MUC15: variants seen among roughly 807,000 people sequenced by gnomAD.
MUC15 encodes the protein mucin-15.
A neutral mutation model predicts 24.0 loss-of-function variants in MUC15; 23 were observed. That is an observed-to-expected ratio of 0.96 (90% CI 0.69 to 1.36). MUC15 has a LOEUF of 1.36. MUC15 is among the 40% of genes most tolerant of loss of function. The pLI is 0.00. For missense variants in MUC15, 442 were observed against 428.2 expected, an observed-to-expected ratio of 1.03 and a Z score of -0.29; for synonymous variants, 151 against 156.3, an observed-to-expected ratio of 0.97 and a Z score of 0.25.
chr11:26,560,763 G>T lies in MUC15; in HGVS notation c.*302C>A. 4.0e-6 allele frequency: 1 copy of T among 246,946 alleles called. No homozygotes were observed. Among genetic ancestry groups the T allele is most frequent in the Non-Finnish European group, 7.7e-6 (1 of 130,180 alleles). 15.3% of individuals were successfully genotyped at this position (246,946 alleles called of 1,614,324 possible). Reference sequence around the variant, plus strand: ...TTTTTATTATTTAGTTATGAGGCAGGGCTGTAATGGTGAAATCTTTTAGTT... The same window carrying T: ...TTTTTATTATTTAGTTATGAGGCAGTGCTGTAATGGTGAAATCTTTTAGTT... On this transcript the variant is annotated 3_prime_UTR_variant, in exon 5 of 5. Transcript: ENST00000529533.
At chr11:26,561,296 G>A (rs1424468513) in intron 4 of MUC15, 71 bp from the exon 5 acceptor site, 2 of 1,151,798 alleles carry the variant, frequency 1.7e-6, no homozygotes, top group African/African-American at 3.2e-5. Context: ...CATCCACCAA[G>A]TTATAGGAAT....
rs1029262744 is a variant in MUC15, at chr11:26,559,492, AAG to A, written c.*1571_*1572del. On this transcript the variant is annotated 3_prime_UTR_variant, in exon 5 of 5. Transcript: ENST00000529533. ...ATGATGGTGGGGTATAAAGGGAATC[AAG>A]AGAGGAGAGAAGAGGGCTAATGTTG... 2.1e-6 allele frequency: 1 copy of A among 481,750 alleles called. No individual in the cohort carries two copies. Among genetic ancestry groups the A allele is most frequent in the Non-Finnish European group, 3.7e-6 (1 of 269,976 alleles). 29.8% of individuals were successfully genotyped at this position (481,750 alleles called of 1,614,324 possible). A position where few individuals can be genotyped will look rare whatever the true frequency, so the allele number is the denominator to read the frequency against.
At position 26,565,825 on chromosome 11, in the gene MUC15, T is replaced by C. The variant is rs767029959; in HGVS notation, c.115A>G (p.Thr39Ala). 3 of 1,613,070 alleles carry C rather than the reference T, an allele frequency of 1.9e-6. No homozygotes were observed. The highest frequency in any genetic ancestry group is 2.5e-6 in the Non-Finnish European group (3 of 1,179,400). The change falls in exon 3 of 5, where the codon ACG becomes GCG. Residue 39 changes from threonine (T) to alanine (A), a missense_variant. Coordinates refer to ENST00000529533, the MANE Select transcript of MUC15 (RefSeq NM_001135091.2). ...CCCGATAGAAGTGAATAAAACAACG[T>C]TGAAATCAACAGAATTTTGGCTAAG... ...LALAKILLISTLFYSLLSGSH... is the reference protein window; with the variant it reads ...LALAKILLISALFYSLLSGSH...
rs1017451570 is a variant in MUC15, at chr11:26,560,845, G to A, written c.*220C>T. ...AAAATACTACTAAAATACAAATTAA[G>A]GCTACTTAGTAAATGCCTCAGGATG... On this transcript the variant is annotated 3_prime_UTR_variant, in exon 5 of 5. Coordinates refer to ENST00000529533, the MANE Select transcript of MUC15 (RefSeq NM_001135091.2). The A allele has an allele frequency of 8.8e-5, 37 of 422,548 alleles. No homozygotes were observed. The highest frequency in any genetic ancestry group is 1.5e-4 in the Non-Finnish European group (35 of 240,864). 26.2% of individuals were successfully genotyped at this position (422,548 alleles called of 1,614,324 possible).
intron 1 of MUC15, among the ~76,000 whole-genome samples, chr11:26,567,602 C>G (rs1244202708): frequency 6.6e-6 from 1 of 151,950 alleles, no homozygotes; most frequent in East Asian, 1.9e-4. Flanking sequence ...TACTTCTCTT[C>G]AAAAGCTTTT....
intron 1 of MUC15, among the ~76,000 whole-genome samples, chr11:26,568,347 C>G (rs376496126): frequency 2.0e-5 from 3 of 151,872 alleles, no homozygotes; most frequent in Admixed American, 6.6e-5. Context: ...ACTGAGAGAT[C>G]GGATTTGGAT....
rs1850541252 is a variant in MUC15 at position 26,565,595 on chromosome 11, G to A, written c.345C>T (p.Ser115=). 6.2e-7 allele frequency: 1 copy of A among 1,613,290 alleles called. No individual in the cohort carries two copies. The highest frequency in any genetic ancestry group is 8.5e-7 in the Non-Finnish European group (1 of 1,179,522). Residue 115 remains serine, a synonymous_variant, in exon 3 of 5, where the codon TCC becomes TCT. Coordinates refer to ENST00000529533, the MANE Select transcript of MUC15 (RefSeq NM_001135091.2). Reference sequence around the variant, plus strand: ...AAGAATGCTCTGCTGATGAGTTACTGGAGAAATCTGTTATTCCGTGGCTGT... The same window carrying A: ...AAGAATGCTCTGCTGATGAGTTACTAGAGAAATCTGTTATTCCGTGGCTGT... ...PNNSHGITDF[S]SNSSAEHSLG...
Position 26,561,208 on chromosome 11 carries a change from C to A in MUC15, c.943G>T (p.Ala315Ser), listed in dbSNP as rs752451213. 3.1e-6 allele frequency: 5 copies of A among 1,607,632 alleles called. No individual in the cohort carries two copies. In the African/African-American group the frequency reaches 5.4e-5, roughly 17 times the overall value. The part of the protein sequence containing the change: ...RNEPVLRLDN[A>S]PEPYDVSFGN... ...AAACTCACATCATAAGGTTCCGGTG[C>A]ATTGTCTAATCGCAGAACTAAAAAA... Residue 315 changes from alanine (A) to serine (S), a missense_variant, in exon 5 of 5, where the codon GCA becomes TCA. Physicochemically the swap from Ala to Ser is moderately conservative, Grantham distance 99 (BLOSUM62 1). Transcript: ENST00000529533.
At chr11:26,562,651 T>C (rs147652412) in intron 4 of MUC15, among the ~76,000 whole-genome samples, 2 of 151,848 alleles carry the variant, frequency 1.3e-5, no homozygotes, top group East Asian at 3.9e-4. Context: ...TGCTTTGTTT[T>C]AGAGCCTCAT....
intron 2 of MUC15, 64 bp from the exon 3 acceptor site, chr11:26,565,960 T>A (rs1425774253): frequency 7.4e-7 from 1 of 1,358,582 alleles, no homozygotes; most frequent in Non-Finnish European, 9.8e-7. Flanking sequence ...TAAATGGATC[T>A]ATATATTTTA....
chr11:26,568,272 C>A (rs901659027), intron 1 of MUC15, among the ~76,000 whole-genome samples: 2 of 152,032 alleles, frequency 1.3e-5, no homozygotes, highest in Non-Finnish European at 2.9e-5. Context: ...ATTAATCCCA[C>A]TTTACAGATG....
intron 4 of MUC15, among the ~76,000 whole-genome samples, chr11:26,561,955 G>A (rs532415791): frequency 5.4e-4 from 82 of 151,890 alleles, no homozygotes; most frequent in African/African-American, 1.8e-3. Flanking sequence ...ACTTATTCCT[G>A]TAGCCATCTG....
At position 26,565,531 on chromosome 11, in the gene MUC15, G is replaced by T. The variant is rs750136482; in HGVS notation, c.409C>A (p.Pro137Thr). ...LKPTSTISTSPPLIHSFVSKV... is the reference protein window; with the variant it reads ...LKPTSTISTSTPLIHSFVSKV... The stretch of plus-strand genomic sequence containing the variant: ...GAAACAAAGCTATGGATCAAGGGAG[G>T]GCTTGTGGAAATGGTAGATGTGGGT... The change falls in exon 3 of 5, where the codon CCT becomes ACT. Residue 137 changes from proline to threonine, a missense_variant. Transcript: ENST00000529533. 1.2e-6 allele frequency: 2 copies of T among 1,613,394 alleles called. No homozygotes were observed. Among genetic ancestry groups the T allele is most frequent in the South Asian group, 2.2e-5 (2 of 91,066 alleles).
chr11:26,565,333 T>C lies in MUC15; in HGVS notation c.607A>G (p.Thr203Ala), dbSNP rs201972788. ...ITVSILSSEP[T>A]SPSVTPLIVE... ...ATCAAGGGGGTCACAGATGGAGAAG[T>C]TGGTTCTGAAGAGAGGATGCTAACT... The change falls in exon 3 of 5, where the codon ACT becomes GCT. Residue 203 changes from threonine (T) to alanine (A), a missense_variant. Coordinates refer to ENST00000529533, the MANE Select transcript of MUC15 (RefSeq NM_001135091.2). 1.6e-5 allele frequency: 25 copies of C among 1,611,254 alleles called. No homozygotes were observed. Among genetic ancestry groups the C allele is most frequent in the Admixed American group, 5.0e-5 (3 of 59,742 alleles).
intron 2 of MUC15, among the ~76,000 whole-genome samples, chr11:26,566,392 G>A (rs116879317): frequency 5.4e-4 from 82 of 151,874 alleles, no homozygotes; most frequent in Non-Finnish European, 9.4e-4. Context: ...TACATTAAAT[G>A]CACCATATAT....
At chr11:26,567,243 A>T in intron 1 of MUC15, 104 bp from the exon 2 acceptor site, 1 of 727,358 alleles carries the variant, frequency 1.4e-6, no homozygotes, top group Non-Finnish European at 2.0e-6. Context: ...CTTTAAAAAA[A>T]TAGACTTTTT....
chr11:26,572,111 C>T lies in MUC15; in HGVS notation c.-116G>A, dbSNP rs561333883. The T allele has an allele frequency of 2.7e-4, 263 of 985,188 alleles. No individual in the cohort carries two copies. The highest frequency in any genetic ancestry group is 3.0e-4 in the Non-Finnish European group (253 of 829,912). The allele number at this position is 985,188 out of a possible 1,614,324, so 61.0% of individuals were successfully genotyped here. Reference sequence around the variant, plus strand: ...GTTGTCCTGTCTGAAAGGAATCTGTCGTGCATTAGAGAAAACAGATGGGTT... The same window carrying T: ...GTTGTCCTGTCTGAAAGGAATCTGTTGTGCATTAGAGAAAACAGATGGGTT... On this transcript the variant is annotated 5_prime_UTR_variant, in exon 1 of 5. Coordinates refer to ENST00000529533, the MANE Select transcript of MUC15 (RefSeq NM_001135091.2).
At chr11:26,564,770 T>C (rs1590545725) in intron 3 of MUC15, among the ~76,000 whole-genome samples, 1 of 104,484 alleles carries the variant, frequency 9.6e-6, no homozygotes, top group Admixed American at 9.5e-5. Context: ...TATATATATA[T>C]ATATATATAT....
At chr11:26,566,998 C>T in intron 2 of MUC15, 54 bp downstream of exon 2, 1 of 1,357,610 alleles carries the variant, frequency 7.4e-7, no homozygotes, top group East Asian at 2.6e-5. Context: ...AATAATATAT[C>T]TATAGTGTCT....
Sources: allele counts gnomAD v4.1 joint callset (sites outside exome capture counted in the v4.1 genomes callset), GRCh38; gene constraint gnomAD v4.1.1; transcripts MANE v1.5; gene names NCBI Gene and HGNC (gene_info 2026-07-23, HGNC 2026-07-21).